CCSER1: variants seen among roughly 807,000 people sequenced by gnomAD.
CCSER1 encodes serine-rich coiled-coil domain-containing protein 1.
CCSER1 carries 41 observed loss-of-function variants against 82.0 expected under a neutral mutation model. The observed-to-expected ratio is 0.50, with a 90% CI of 0.39 to 0.65. The LOEUF (loss-of-function observed/expected upper bound fraction) is 0.65. CCSER1 is among the 30% of genes least tolerant of loss of function. The pLI, the probability that CCSER1 is intolerant of heterozygous loss-of-function variation, is 0.00. For missense variants in CCSER1, 1,119 were observed against 1,064.2 expected, an observed-to-expected ratio of 1.05 and a Z score of -0.72; for synonymous variants, 414 against 383.9, an observed-to-expected ratio of 1.08 and a Z score of -0.92.
At chr4:91,566,785 C>G (rs894833044) in intron 10 of CCSER1, among the ~76,000 whole-genome samples, 6 of 151,844 alleles carry the variant, frequency 4.0e-5, no homozygotes, top group African/African-American at 1.4e-4. Context: ...CTCTATTCTT[C>G]TTTATTAGTA....
chr4:91,371,808 T>C (rs140318603), intron 10 of CCSER1, among the ~76,000 whole-genome samples: 25 of 151,846 alleles, frequency 1.6e-4, no homozygotes, highest in South Asian at 4.2e-4. Flanking sequence ...AAACCTATTC[T>C]ACCTGTGACC....
At chr4:90,265,333 T>C (rs1725049392) in intron 1 of CCSER1, among the ~76,000 whole-genome samples, 1 of 151,838 alleles carries the variant, frequency 6.6e-6, no homozygotes. Context: ...ATATTATGTA[T>C]TTATATAAAT....
intron 10 of CCSER1, among the ~76,000 whole-genome samples, chr4:91,259,486 G>C (rs1740939718): frequency 6.6e-6 from 1 of 151,944 alleles, no homozygotes; most frequent in Admixed American, 6.6e-5. Context: ...TACATGTGCA[G>C]AACATGCAGG....
intron 4 of CCSER1, among the ~76,000 whole-genome samples, chr4:90,424,059 C>G (rs1488503757): frequency 6.6e-6 from 1 of 150,776 alleles, no homozygotes; most frequent in Non-Finnish European, 1.5e-5. Flanking sequence ...CCACTGCGCT[C>G]CAGCCTGGGT....
intron 10 of CCSER1, among the ~76,000 whole-genome samples, chr4:91,508,299 C>T (rs1054579591): frequency 5.4e-4 from 63 of 115,980 alleles, no homozygotes; most frequent in African/African-American, 1.8e-3. Flanking sequence ...TTCTTGAGTA[C>T]ACCCAATATA....
chr4:91,107,491 G>A (rs1014421950), intron 10 of CCSER1, among the ~76,000 whole-genome samples: 2 of 152,218 alleles, frequency 1.3e-5, no homozygotes, highest in South Asian at 2.1e-4. Flanking sequence ...TCCTGACCTC[G>A]TGATCCACCC....
chr4:90,900,234 G>A (rs1724429734), intron 8 of CCSER1, among the ~76,000 whole-genome samples: 1 of 151,166 alleles, frequency 6.6e-6, no homozygotes, highest in South Asian at 2.1e-4. Context: ...TTACCTTTGG[G>A]TTTTCTAGAT....
At chr4:90,732,457 T>G (rs1445320335) in intron 7 of CCSER1, among the ~76,000 whole-genome samples, 3 of 152,150 alleles carry the variant, frequency 2.0e-5, no homozygotes, top group Admixed American at 2.0e-4. Flanking sequence ...CACCAAAGGA[T>G]TTTACTGGGG....
chr4:90,347,458 C>A (rs1742578270), intron 3 of CCSER1, among the ~76,000 whole-genome samples: 1 of 152,110 alleles, frequency 6.6e-6, no homozygotes, highest in Non-Finnish European at 1.5e-5. Context: ...GTGGAGCTAT[C>A]CACAGTCATC....
intron 6 of CCSER1, among the ~76,000 whole-genome samples, chr4:90,633,842 A>G (rs1370657745): frequency 6.6e-6 from 1 of 151,876 alleles, no homozygotes; most frequent in Non-Finnish European, 1.5e-5. Flanking sequence ...AAATTCTGTC[A>G]TCCTTTTTTA....
intron 10 of CCSER1, among the ~76,000 whole-genome samples, chr4:91,154,946 A>G (rs1383852081): frequency 1.3e-5 from 2 of 151,908 alleles, no homozygotes; most frequent in Non-Finnish European, 2.9e-5. Flanking sequence ...TCACATAGCT[A>G]TTAAGTAGAA....
chr4:91,207,423 C>A (rs1399893888), intron 10 of CCSER1, among the ~76,000 whole-genome samples: 5 of 151,776 alleles, frequency 3.3e-5, no homozygotes, highest in African/African-American at 1.2e-4. Flanking sequence ...TTGTTCCCCT[C>A]TTTCTGTCCA....
rs897096875 is a variant in CCSER1, at chr4:91,575,701, C to G, written c.2218-22871C>G. ...ATAATTTTGAGGAAGTAGAACCAAG[C>G]TGGAGGCTTCAAAAGGAGGCATACA... On this transcript the variant is annotated intron_variant, in intron 10 of 10. Transcript: ENST00000509176. Among the ~76,000 whole-genome samples the G allele has an allele frequency of 7.2e-5, 11 of 151,728 alleles. No homozygotes were observed. The East Asian group carries it at 2.1e-3, about 29-fold the overall frequency.
At chr4:90,801,101 A>G (rs1389640044) in intron 7 of CCSER1, among the ~76,000 whole-genome samples, 1 of 152,176 alleles carries the variant, frequency 6.6e-6, no homozygotes, top group Non-Finnish European at 1.5e-5. Context: ...AATGACAAGA[A>G]CATAGTCTCA....
intron 10 of CCSER1, among the ~76,000 whole-genome samples, chr4:91,382,094 G>C (rs1750942369): frequency 6.6e-6 from 1 of 152,160 alleles, no homozygotes; most frequent in Admixed American, 6.5e-5. Context: ...AGCAAATGTT[G>C]CTGCCTAGTC....
intron 10 of CCSER1, among the ~76,000 whole-genome samples, chr4:91,208,853 T>G (rs1736563353): frequency 6.6e-6 from 1 of 152,050 alleles, no homozygotes; most frequent in Non-Finnish European, 1.5e-5. Flanking sequence ...GAGCATGGAA[T>G]GTTTTTCCAT....
At position 91,100,370 on chromosome 4, in the gene CCSER1, C is replaced by CTAT. The variant is rs144104351; in HGVS notation, c.2217+14393_2217+14395dup. On this transcript the variant is annotated intron_variant, in intron 10 of 10. Transcript: ENST00000509176. ...AGCACCCAATACATGGCAACAGTTA[C>CTAT]TATTATTATTATTATTATTTATATA... 8.0e-4 allele frequency among the ~76,000 whole-genome samples: 121 copies of CTAT among 151,192 alleles called. 2 individuals are homozygous for CTAT. The South Asian group carries it at 0.01, about 13-fold the overall frequency.
At chr4:91,522,282 C>A (rs992160246) in intron 10 of CCSER1, among the ~76,000 whole-genome samples, 3 of 152,122 alleles carry the variant, frequency 2.0e-5, no homozygotes, top group African/African-American at 7.2e-5. Flanking sequence ...GTTACTGTAG[C>A]CTTGTAGTAT....
intron 6 of CCSER1, among the ~76,000 whole-genome samples, chr4:90,702,997 T>C (rs991094012): frequency 6.6e-6 from 1 of 152,216 alleles, no homozygotes; most frequent in African/African-American, 2.4e-5. Flanking sequence ...ATCTTAGTTA[T>C]TTCTTGCCTT....
Sources: gnomAD v4.1 joint callset for allele counts (sites outside exome capture counted in the v4.1 genomes callset) on GRCh38, gnomAD v4.1.1 for gene constraint, MANE v1.5 for transcripts, NCBI Gene and HGNC (gene_info 2026-07-23, HGNC 2026-07-21) for gene names.